Variants in PDE11A observed in about 807,000 individuals in gnomAD.
PDE11A encodes the protein dual 3',5'-cyclic-AMP and -GMP phosphodiesterase 11A.
Under a neutral mutation model 100.5 loss-of-function variants are expected in PDE11A, and 100 were observed. The observed-to-expected ratio is 1.00, with a 90% CI of 0.85 to 1.18. PDE11A has a LOEUF of 1.18. Ranked by LOEUF, PDE11A falls within the 50% of genes most tolerant of loss-of-function variation. The pLI, the probability that PDE11A is intolerant of heterozygous loss-of-function variation, is 0.00. For synonymous variants in PDE11A, 381 were observed against 420.8 expected, an observed-to-expected ratio of 0.91 and a Z score of 1.16; for missense variants, 1,141 against 1,152.6, an observed-to-expected ratio of 0.99 and a Z score of 0.15.
intron 2 of PDE11A, among the ~76,000 whole-genome samples, chr2:178,005,071 G>A (rs1406721918): frequency 1.3e-5 from 2 of 151,670 alleles, no homozygotes; most frequent in Non-Finnish European, 1.5e-5. Context: ...CAGTTACCAG[G>A]AACATGAAAA....
chr2:178,034,124 C>A (rs1208753138), intron 1 of PDE11A, among the ~76,000 whole-genome samples: 1 of 151,982 alleles, frequency 6.6e-6, no homozygotes, highest in Non-Finnish European at 1.5e-5. Context: ...GAATCAAGAG[C>A]CATTGGTGTG....
chr2:177,906,639 C>G (rs1287056617), intron 2 of PDE11A, among the ~76,000 whole-genome samples: 1 of 152,048 alleles, frequency 6.6e-6, no homozygotes, highest in Admixed American at 6.6e-5. Context: ...GGATAAATTC[C>G]TTCCCTGGAT....
At chr2:177,949,041 T>C (rs1232209702) in intron 2 of PDE11A, among the ~76,000 whole-genome samples, 1 of 152,228 alleles carries the variant, frequency 6.6e-6, no homozygotes, top group African/African-American at 2.4e-5. Flanking sequence ...TATAAACTAA[T>C]ATAAAACATC....
intron 3 of PDE11A, among the ~76,000 whole-genome samples, chr2:177,902,288 T>C (rs2084710177): frequency 6.6e-6 from 1 of 152,066 alleles, no homozygotes; most frequent in South Asian, 2.1e-4. Context: ...CTTAAGAATG[T>C]ACTTTGTATG....
At chr2:177,735,626 G>C (rs2081768228) in intron 10 of PDE11A, among the ~76,000 whole-genome samples, 1 of 152,152 alleles carries the variant, frequency 6.6e-6, no homozygotes, top group African/African-American at 2.4e-5. Context: ...CACAGACAGG[G>C]CCCCATTGTT....
chr2:177,776,668 A>G (rs1008306344), intron 9 of PDE11A, among the ~76,000 whole-genome samples: 2 of 152,114 alleles, frequency 1.3e-5, no homozygotes, highest in Admixed American at 1.3e-4. Flanking sequence ...GTGTGTCCTA[A>G]TCCAATATGA....
At chr2:177,792,146 G>A (rs1162600897) in intron 9 of PDE11A, among the ~76,000 whole-genome samples, 1 of 152,126 alleles carries the variant, frequency 6.6e-6, no homozygotes, top group Non-Finnish European at 1.5e-5. Flanking sequence ...CTGTTTTAAA[G>A]TGAGGCTGTT....
intron 9 of PDE11A, among the ~76,000 whole-genome samples, chr2:177,788,164 A>G (rs908663862): frequency 6.6e-6 from 1 of 151,996 alleles, no homozygotes; most frequent in Non-Finnish European, 1.5e-5. Flanking sequence ...CAAATGTAAA[A>G]GAACAGAAAT....
chr2:178,087,051 T>C (rs1409906549), intron 2 of PDE11A, among the ~76,000 whole-genome samples: 1 of 152,186 alleles, frequency 6.6e-6, no homozygotes. Flanking sequence ...ATAAAGAAAA[T>C]GTCAGCTGGG....
intron 12 of PDE11A, among the ~76,000 whole-genome samples, chr2:177,720,879 G>A (rs529331861): frequency 6.6e-6 from 1 of 152,114 alleles, no homozygotes; most frequent in South Asian, 2.1e-4. Context: ...AGCTTCTGAA[G>A]GCACTTACTA....
intron 2 of PDE11A, among the ~76,000 whole-genome samples, chr2:177,964,859 T>A (rs1038488277): frequency 1.4e-4 from 22 of 152,224 alleles, no homozygotes; most frequent in Non-Finnish European, 1.5e-5. Flanking sequence ...TATGGTAGAA[T>A]GATTTCTATT....
intron 2 of PDE11A, among the ~76,000 whole-genome samples, chr2:178,080,830 C>G (rs1258272795): frequency 6.6e-6 from 1 of 151,874 alleles, no homozygotes; most frequent in African/African-American, 2.4e-5. Context: ...AAAAAACATG[C>G]CAACCCTCAA....
chr2:177,676,345 T>G (rs1039841130), intron 16 of PDE11A, among the ~76,000 whole-genome samples: 1 of 152,214 alleles, frequency 6.6e-6, no homozygotes, highest in African/African-American at 2.4e-5. Flanking sequence ...CAGAATGTGA[T>G]GAAAAGTAAC....
chr2:177,821,980 T>G (rs2083148505), intron 6 of PDE11A, among the ~76,000 whole-genome samples: 1 of 151,960 alleles, frequency 6.6e-6, no homozygotes, highest in Admixed American at 6.6e-5. Context: ...TCTTCTATAT[T>G]CTGGATAAGA....
At chr2:177,883,165 A>T (rs540300035) in intron 4 of PDE11A, among the ~76,000 whole-genome samples, 1 of 152,118 alleles carries the variant, frequency 6.6e-6, no homozygotes, top group South Asian at 2.1e-4. Context: ...GCTACTCAGC[A>T]GGCTGAGGCA....
At chr2:178,013,325 G>T (rs766083885) in intron 2 of PDE11A, among the ~76,000 whole-genome samples, 1 of 152,080 alleles carries the variant, frequency 6.6e-6, no homozygotes, top group Non-Finnish European at 1.5e-5. Context: ...ATCTTTTGAG[G>T]TCCTATCATG....
chr2:177,765,579 G>A (rs1380475710), intron 10 of PDE11A, among the ~76,000 whole-genome samples: 1 of 152,210 alleles, frequency 6.6e-6, no homozygotes, highest in Non-Finnish European at 1.5e-5. Context: ...GGTCCGTAGT[G>A]ATGCTTCCTT....
At chr2:177,995,997 C>T (rs2086068260) in intron 2 of PDE11A, among the ~76,000 whole-genome samples, 1 of 152,102 alleles carries the variant, frequency 6.6e-6, no homozygotes, top group Admixed American at 6.5e-5. Context: ...GAGGCTAAAG[C>T]AGGTGGATTG....
At chr2:177,801,771 T>C (rs2082798603) in intron 9 of PDE11A, among the ~76,000 whole-genome samples, 1 of 152,110 alleles carries the variant, frequency 6.6e-6, no homozygotes, top group Non-Finnish European at 1.5e-5. Context: ...GAGAAAACAG[T>C]ACAATATATT....
Sources: gnomAD v4.1 joint callset for allele counts (sites outside exome capture counted in the v4.1 genomes callset) on GRCh38, gnomAD v4.1.1 for gene constraint, MANE v1.5 for transcripts, NCBI Gene and HGNC (gene_info 2026-07-23, HGNC 2026-07-21) for gene names.